Variants in CCDC30 observed in about 807,000 individuals in gnomAD.
CCDC30 encodes coiled-coil domain containing 30, also known as coiled-coil domain-containing protein 30.
In CCDC30, 70 loss-of-function variants were observed where a neutral mutation model predicts 100.2. That is an observed-to-expected ratio of 0.70 (90% confidence interval 0.58 to 0.85). The LOEUF is 0.85. Among genes scored for constraint, CCDC30 ranks in the 40% least tolerant of loss-of-function variants. The pLI, the probability that CCDC30 is intolerant of heterozygous loss-of-function variation, is 0.00. For missense variants in CCDC30, 652 were observed against 771.2 expected, an observed-to-expected ratio of 0.85 and a Z score of 1.83; for synonymous variants, 233 against 269.5, an observed-to-expected ratio of 0.86 and a Z score of 1.33.
intron 9 of CCDC30, among the ~76,000 whole-genome samples, chr1:42,582,542 A>C (rs1478343802): frequency 6.6e-6 from 1 of 152,356 alleles, no homozygotes; most frequent in East Asian, 1.9e-4. Context: ...GAGCATTGTC[A>C]TGGTAGAGAA....
chr1:42,582,059 C>CAA (rs770972866), intron 9 of CCDC30, among the ~76,000 whole-genome samples: 1,828 of 99,048 alleles, frequency 0.018, 55 homozygotes, highest in African/African-American at 0.054. Context: ...TTGTCTATAC[C>CAA]AAAAAAAAAA....
chr1:42,520,622 G>T (rs575778885), intron 6 of CCDC30, among the ~76,000 whole-genome samples: 1 of 134,316 alleles, frequency 7.4e-6, no homozygotes, highest in East Asian at 2.3e-4. Context: ...GAGCCACCAC[G>T]CCCGGCCTCA....
At chr1:42,568,096 G>A (rs1371737826) in intron 7 of CCDC30, among the ~76,000 whole-genome samples, 2 of 152,028 alleles carry the variant, frequency 1.3e-5, no homozygotes, top group Non-Finnish European at 2.9e-5. Flanking sequence ...TTTATTGAGA[G>A]TTTGTCCACT....
chr1:42,651,212 A>T (rs1648318353), intron 15 of CCDC30, among the ~76,000 whole-genome samples: 1 of 152,200 alleles, frequency 6.6e-6, no homozygotes, highest in African/African-American at 2.4e-5. Flanking sequence ...GGGAACAAAA[A>T]CAAACATATA....
chr1:42,616,415 C>T (rs1388169487), intron 11 of CCDC30, among the ~76,000 whole-genome samples: 5 of 152,122 alleles, frequency 3.3e-5, no homozygotes, highest in Admixed American at 1.3e-4. Context: ...AATGTGCATC[C>T]GAGGTTGAAA....
intron 8 of CCDC30, among the ~76,000 whole-genome samples, chr1:42,580,122 G>A (rs1392129138): frequency 6.6e-6 from 1 of 152,174 alleles, no homozygotes; most frequent in Non-Finnish European, 1.5e-5. Flanking sequence ...AAGTTTGGAT[G>A]TATCCTTGAC....
chr1:42,518,703 G>A (rs1485925786), intron 6 of CCDC30, among the ~76,000 whole-genome samples: 1 of 152,124 alleles, frequency 6.6e-6, no homozygotes, highest in Non-Finnish European at 1.5e-5. Flanking sequence ...CATTTCTTAG[G>A]ATGTATTCCT....
intron 15 of CCDC30, 76 bp downstream of exon 19, chr1:42,646,393 T>C (rs1450930758): frequency 1.5e-6 from 2 of 1,324,198 alleles, no homozygotes; most frequent in African/African-American, 1.5e-5. Flanking sequence ...GGAAAATCTC[T>C]CAACTTATGG....
upstream of CCDC30, chr1:42,459,399 G>A (rs1330249952): frequency 6.9e-6 from 4 of 580,600 alleles, no homozygotes; most frequent in South Asian, 2.2e-5. Context: ...GGGCTCAAGC[G>A]ATCCACCCAT....
intron 5 of CCDC30, among the ~76,000 whole-genome samples, chr1:42,497,832 G>A (rs938059134): frequency 6.6e-6 from 1 of 152,170 alleles, no homozygotes; most frequent in African/African-American, 2.4e-5. Flanking sequence ...CATTGCTGGT[G>A]AGAATCTAAA....
chr1:42,544,417 G>A (rs1178564786), intron 6 of CCDC30, among the ~76,000 whole-genome samples: 1 of 152,234 alleles, frequency 6.6e-6, no homozygotes, highest in Non-Finnish European at 1.5e-5. Flanking sequence ...CTTATTTAAA[G>A]TACAGATTTC....
chr1:42,544,365 C>T (rs1444170110), intron 6 of CCDC30, among the ~76,000 whole-genome samples: 3 of 152,156 alleles, frequency 2.0e-5, no homozygotes, highest in Admixed American at 2.0e-4. Flanking sequence ...TCACAAAAGG[C>T]AGTGATTCTC....
chr1:42,644,840 T>G, intron 14 of CCDC30, 33 bp downstream of exon 18: 2 of 1,357,924 alleles, frequency 1.5e-6, no homozygotes, highest in Non-Finnish European at 2.1e-6. Flanking sequence ...GGCCTGCCTT[T>G]AATGTGAAGT....
chr1:42,527,988 C>T (rs1384748517), intron 6 of CCDC30, among the ~76,000 whole-genome samples: 1 of 152,150 alleles, frequency 6.6e-6, no homozygotes, highest in Non-Finnish European at 1.5e-5. Context: ...GCCTCAGCCT[C>T]CCGAGTAGCT....
rs543863432 is a variant in CCDC30 at position 42,473,340 on chromosome 1, T to C, written c.-91-7121T>C. On this transcript the variant is annotated intron_variant, in intron 1 of 16. Coordinates refer to ENST00000668663, the Ensembl canonical transcript of CCDC30. ...TAGCATAGAATTTTAAAGACACCTG[T>C]GATTTTGTTCATTGCCCTTCATTAA... is the stretch of plus-strand genomic sequence containing the variant. The C allele has an allele frequency of 1.4e-4, 154 of 1,124,114 alleles. 1 individual carries two copies. In the Admixed American group the frequency reaches 1.7e-3, roughly 12 times the overall value. 69.6% of individuals were successfully genotyped at this position (1,124,114 alleles called of 1,614,324 possible). A position where few individuals can be genotyped will look rare whatever the true frequency, so the allele number is the denominator to read the frequency against.
chr1:42,564,471 C>A (rs1027414182), intron 6 of CCDC30, among the ~76,000 whole-genome samples: 2 of 150,506 alleles, frequency 1.3e-5, no homozygotes, highest in African/African-American at 4.9e-5. Flanking sequence ...CACCATCACA[C>A]CCAGCTAAGG....
intron 6 of CCDC30, among the ~76,000 whole-genome samples, chr1:42,547,922 A>G (rs761730529): frequency 6.6e-5 from 10 of 152,226 alleles, no homozygotes; most frequent in Non-Finnish European, 1.5e-4. Flanking sequence ...ACTGAGTACT[A>G]TGGGAACACA....
intron 3 of CCDC30, among the ~76,000 whole-genome samples, chr1:42,483,787 G>A (rs564644452): frequency 1.3e-5 from 2 of 151,822 alleles, no homozygotes; most frequent in East Asian, 3.9e-4. Context: ...TGTTGTTATT[G>A]TTTTTTTACC....
At chr1:42,655,472 G>C (rs539772474), downstream of CCDC30, among the ~76,000 whole-genome samples, 141 of 152,174 alleles carry the variant, frequency 9.3e-4, no homozygotes, top group Admixed American at 2.9e-3. Flanking sequence ...ACTTGAACCC[G>C]AGAGGCAGAG....
Sources: gnomAD v4.1 joint callset for allele counts (sites outside exome capture counted in the v4.1 genomes callset) on GRCh38, gnomAD v4.1.1 for gene constraint, MANE v1.5 for transcripts, NCBI Gene and HGNC (gene_info 2026-07-23, HGNC 2026-07-21) for gene names.